KLF8: variants seen among roughly 807,000 people sequenced by gnomAD.
KLF8 encodes the protein Krueppel-like factor 8.
In KLF8, 10 loss-of-function variants were observed where a neutral mutation model predicts 18.2. The ratio of observed to expected loss-of-function variants is 0.55; its 90% CI spans 0.34 to 0.93. KLF8 has a LOEUF of 0.93. KLF8 is among the 40% of genes least tolerant of loss of function. The pLI is 0.02. For missense variants in KLF8, 264 were observed against 277.9 expected (o/e 0.95, Z 0.36); for synonymous variants, 109 against 97.3 (o/e 1.12, Z -0.71).
the KLF8 span, among the ~76,000 whole-genome samples, chrX:56,160,826 G>T: frequency 9.0e-6 from 1 of 111,162 alleles, no homozygotes; most frequent in Non-Finnish European, 1.9e-5. Flanking sequence ...ACACTGATGG[G>T]TCTTGACTCT....
At chrX:56,220,688 A>T in the KLF8 span, among the ~76,000 whole-genome samples, 2 of 110,830 alleles carry the variant, frequency 1.8e-5, no homozygotes, top group South Asian at 3.8e-4. Flanking sequence ...CGGTTTCACC[A>T]TGTTGGCCAG....
chrX:55,970,432 G>A, the KLF8 span, among the ~76,000 whole-genome samples: 1 of 111,199 alleles, frequency 9.0e-6, no homozygotes, highest in African/African-American at 3.3e-5. Flanking sequence ...AGACCACAAT[G>A]TAATAAAAGT....
At chrX:56,066,484 G>T in the KLF8 span, among the ~76,000 whole-genome samples, 2 of 112,164 alleles carry the variant, frequency 1.8e-5, no homozygotes, top group African/African-American at 6.5e-5. Flanking sequence ...TCAGGAGGGT[G>T]AGGTTGCTTG....
At chrX:56,215,811 A>G in the KLF8 span, among the ~76,000 whole-genome samples, 1 of 78,487 alleles carries the variant, frequency 1.3e-5, no homozygotes, top group Non-Finnish European at 2.3e-5. Context: ...AGACAGGGTG[A>G]GACTCTGTCT....
At chrX:55,986,546 T>C in the KLF8 span, among the ~76,000 whole-genome samples, 1 of 112,067 alleles carries the variant, frequency 8.9e-6, no homozygotes, top group South Asian at 3.7e-4. Flanking sequence ...ATATTTTAGC[T>C]GAAGATGTTT....
chrX:55,965,797 G>C, the KLF8 span, among the ~76,000 whole-genome samples: 2 of 111,775 alleles, frequency 1.8e-5, no homozygotes, highest in African/African-American at 6.5e-5. Context: ...ACCCACAAAA[G>C]AATAAAATAC....
the KLF8 span, among the ~76,000 whole-genome samples, chrX:56,136,144 A>G: frequency 8.9e-6 from 1 of 111,961 alleles, no homozygotes; most frequent in South Asian, 3.7e-4. Context: ...ATGGGTAGGA[A>G]GAATCAATAT....
chrX:56,034,634 ATTTG>A, the KLF8 span, among the ~76,000 whole-genome samples: 3 of 110,420 alleles, frequency 2.7e-5, no homozygotes, highest in African/African-American at 9.9e-5. Flanking sequence ...AACATTTATC[ATTTG>A]TTTGAGTTGA....
chrX:56,105,270 G>T, the KLF8 span, among the ~76,000 whole-genome samples: 1 of 111,553 alleles, frequency 9.0e-6, no homozygotes, highest in South Asian at 3.8e-4. Flanking sequence ...GGATATCCTT[G>T]TTAACCTTCT....
At chrX:55,976,569 T>TACACAC in the KLF8 span, among the ~76,000 whole-genome samples, 7,493 of 101,594 alleles carry the variant, frequency 0.074, 627 homozygotes, top group African/African-American at 0.25. Flanking sequence ...TCCATTTGTG[T>TACACAC]ACACACACAC....
the KLF8 span, among the ~76,000 whole-genome samples, chrX:56,168,506 TTTA>T: frequency 8.9e-6 from 1 of 112,327 alleles, no homozygotes; most frequent in East Asian, 2.8e-4. Flanking sequence ...AATAGTCTTT[TTTA>T]TTATTATACT....
chrX:55,938,814 A>G, the KLF8 span, among the ~76,000 whole-genome samples: 8 of 111,905 alleles, frequency 7.1e-5, no homozygotes, highest in Non-Finnish European at 1.5e-4. Flanking sequence ...CAATTCAAGA[A>G]GAAGACCTAA....
chrX:55,941,380 G>T, the KLF8 span, among the ~76,000 whole-genome samples: 1 of 111,849 alleles, frequency 8.9e-6, no homozygotes, highest in Admixed American at 9.5e-5. Flanking sequence ...CAAGTTGGAT[G>T]AAAGACTTAA....
intron 1 of KLF8, among the ~76,000 whole-genome samples, chrX:56,248,977 A>T (rs192603161): frequency 4.8e-4 from 54 of 112,092 alleles, no homozygotes; most frequent in African/African-American, 1.7e-3. Flanking sequence ...ACCATGTACC[A>T]GGCAATGTTC....
At chrX:56,109,504 G>T in the KLF8 span, among the ~76,000 whole-genome samples, 2 of 110,896 alleles carry the variant, frequency 1.8e-5, no homozygotes, top group Non-Finnish European at 3.8e-5. Flanking sequence ...TGTTTACTAG[G>T]TTTAGTTTAT....
At chrX:56,254,140 G>A (rs1320912438) in intron 2 of KLF8, among the ~76,000 whole-genome samples, 1 of 111,484 alleles carries the variant, frequency 9.0e-6, no homozygotes, top group Admixed American at 9.5e-5. Context: ...TATTTTGATA[G>A]GGATTTTATT....
chrX:56,266,478 G>A lies in KLF8; in HGVS notation c.646+734G>A, dbSNP rs1433885985. On this transcript the variant is annotated intron_variant, in intron 3 of 5. Transcript: ENST00000468660. ...CTCCAGAGAACTTAACACAGTGCTA[G>A]GAGTTGTCTTGCAACAGATAATTTG... The A allele has an allele frequency of 3.2e-5, 24 of 742,152 alleles. No homozygotes were observed. The Admixed American group carries it at 2.1e-3, about 66-fold the overall frequency. The allele number at this position is 742,152 out of a possible 1,213,427, so 61.2% of individuals were successfully genotyped here. A position where few individuals can be genotyped will look rare whatever the true frequency, so the allele number is the denominator to read the frequency against.
At chrX:56,084,191 C>T in the KLF8 span, among the ~76,000 whole-genome samples, 1 of 110,558 alleles carries the variant, frequency 9.0e-6, no homozygotes, top group African/African-American at 3.3e-5. Context: ...GTCACCTGGG[C>T]AATATAGGGA....
chrX:55,937,651 A>G, the KLF8 span, among the ~76,000 whole-genome samples: 3 of 112,314 alleles, frequency 2.7e-5, no homozygotes, highest in South Asian at 1.1e-3. Context: ...ACGACTAACT[A>G]GAATAACCAA....
Sources: gnomAD v4.1 joint callset for allele counts (sites outside exome capture counted in the v4.1 genomes callset) on GRCh38, gnomAD v4.1.1 for gene constraint, MANE v1.5 for transcripts, NCBI Gene and HGNC (gene_info 2026-07-23, HGNC 2026-07-21) for gene names.